The following RICTOR variants were observed in gnomAD, a reference collection of about 807,000 sequenced individuals.
RICTOR encodes the protein RPTOR independent companion of MTOR complex 2.
Under a neutral mutation model 214.9 loss-of-function variants are expected in RICTOR, and 49 were observed. The observed-to-expected ratio is 0.23, with a 90% confidence interval of 0.18 to 0.29. RICTOR has a LOEUF of 0.29. Ranked by LOEUF, RICTOR falls within the 10% of genes least tolerant of loss-of-function variation. The pLI is 1.00. For missense variants in RICTOR, 1,625 were observed against 2,047.0 expected, an observed-to-expected ratio of 0.79 and a Z score of 3.98; for synonymous variants, 717 against 711.3, an observed-to-expected ratio of 1.01 and a Z score of -0.13.
At chr5:38,979,846 G>A (rs34631480) in intron 8 of RICTOR, among the ~76,000 whole-genome samples, 180 of 152,286 alleles carry the variant, frequency 1.2e-3, no homozygotes, top group South Asian at 4.3e-3. Context: ...TTTCTCTTTG[G>A]ATCTTTGCTT....
chr5:38,948,175 C>T (rs1241434152), intron 31 of RICTOR, among the ~76,000 whole-genome samples: 1 of 152,090 alleles, frequency 6.6e-6, no homozygotes, highest in African/African-American at 2.4e-5. Flanking sequence ...ATATACAAGG[C>T]ACTATGCAAG....
intron 8 of RICTOR, among the ~76,000 whole-genome samples, chr5:38,979,650 G>A (rs1751544938): frequency 6.6e-6 from 1 of 152,156 alleles, no homozygotes; most frequent in Non-Finnish European, 1.5e-5. Flanking sequence ...TTCAGTCCAA[G>A]TGCTAGCCAA....
At chr5:39,054,193 C>A (rs1187849366) in intron 2 of RICTOR, among the ~76,000 whole-genome samples, 1 of 151,490 alleles carries the variant, frequency 6.6e-6, no homozygotes, top group East Asian at 1.9e-4. Context: ...AAAAAAAATA[C>A]AAAGAACATA....
At chr5:38,961,091 A>T (rs1749756028) in intron 19 of RICTOR, among the ~76,000 whole-genome samples, 1 of 151,980 alleles carries the variant, frequency 6.6e-6, no homozygotes, top group African/African-American at 2.4e-5. Context: ...ATGGACTAAT[A>T]CAGTACATTT....
At chr5:39,004,248 T>C (rs957954792) in intron 3 of RICTOR, among the ~76,000 whole-genome samples, 1 of 152,124 alleles carries the variant, frequency 6.6e-6, no homozygotes, top group Non-Finnish European at 1.5e-5. Flanking sequence ...TTAGACCAGG[T>C]TGCTGGTAAT....
intron 11 of RICTOR, chr5:38,970,763 C>T (rs1750711878): frequency 6.6e-6 from 1 of 152,240 alleles, no homozygotes; most frequent in South Asian, 2.1e-4. Flanking sequence ...CAAATTCTTA[C>T]AAATAATTTA....
chr5:38,963,173 A>C, intron 16 of RICTOR, 132 bp from the exon 17 acceptor site: 1 of 595,786 alleles, frequency 1.7e-6, no homozygotes, highest in East Asian at 2.8e-5. Flanking sequence ...TTATTTCATC[A>C]AATTTGGAGA....
intron 2 of RICTOR, among the ~76,000 whole-genome samples, chr5:39,044,508 A>C (rs1022890200): frequency 1.3e-5 from 2 of 152,126 alleles, no homozygotes; most frequent in African/African-American, 4.8e-5. Flanking sequence ...GACATACACA[A>C]AAGAGGGAAT....
chr5:38,962,138 T>TA (rs982631504), intron 19 of RICTOR, among the ~76,000 whole-genome samples, 177 bp downstream of exon 19: 36 of 139,052 alleles, frequency 2.6e-4, no homozygotes, highest in African/African-American at 8.8e-4. Context: ...AAGAATTTGC[T>TA]AATATGTTTT....
At chr5:39,047,527 T>C (rs888552069) in intron 2 of RICTOR, among the ~76,000 whole-genome samples, 1 of 152,216 alleles carries the variant, frequency 6.6e-6, no homozygotes, top group Non-Finnish European at 1.5e-5. Context: ...CTTTAGTTCA[T>C]GTATTTTACT....
intron 20 of RICTOR, 31 bp downstream of exon 20, chr5:38,960,367 A>G (rs769613517): frequency 6.2e-7 from 1 of 1,602,098 alleles, no homozygotes; most frequent in African/African-American, 1.3e-5. Flanking sequence ...AATAAAAAAC[A>G]TTTGCTCTGG....
chr5:39,066,186 C>T (rs1002253693), intron 2 of RICTOR, among the ~76,000 whole-genome samples: 1 of 152,246 alleles, frequency 6.6e-6, no homozygotes, highest in African/African-American at 2.4e-5. Flanking sequence ...GCACTCTGGG[C>T]ACCTGCAGGC....
At chr5:38,943,019 C>T (rs546100824) in intron 36 of RICTOR, 48 bp from the exon 37 acceptor site, 3 of 1,400,908 alleles carry the variant, frequency 2.1e-6, no homozygotes, top group African/African-American at 2.8e-5. Context: ...CATGATGTAT[C>T]TATTTTTCCT....
At chr5:38,967,791 G>C (rs1750359630) in intron 12 of RICTOR, 152 bp downstream of exon 12, 2 of 547,186 alleles carry the variant, frequency 3.7e-6, no homozygotes, top group Admixed American at 6.4e-5. Flanking sequence ...TTAGGAACTT[G>C]AGGTTTTATT....
Position 38,939,221 on chromosome 5 carries a change from C to G in RICTOR, c.*3083G>C, listed in dbSNP as rs187837263. The G allele has an allele frequency of 4.8e-4, 112 of 232,856 alleles. No individual in the cohort carries two copies. Among genetic ancestry groups the G allele is most frequent in the African/African-American group, 2.3e-3 (103 of 45,372 alleles). 14.4% of individuals were successfully genotyped at this position (232,856 alleles called of 1,614,324 possible). On this transcript the variant is annotated 3_prime_UTR_variant, in exon 38 of 38. Transcript: ENST00000357387. ...GAAAATGTAAATAAGCATTGATATC[C>G]CACTGCTGAACACTTGGCCGTTGTG...
chr5:38,951,677 C>T (rs1748796945), intron 30 of RICTOR, among the ~76,000 whole-genome samples: 1 of 151,890 alleles, frequency 6.6e-6, no homozygotes, highest in African/African-American at 2.4e-5. Context: ...AAATTTTGTA[C>T]ACCTAACACC....
intron 16 of RICTOR, among the ~76,000 whole-genome samples, chr5:38,964,202 T>A (rs984301634): frequency 6.6e-6 from 1 of 151,894 alleles, no homozygotes; most frequent in Admixed American, 6.6e-5. Context: ...ACTAAGTTCC[T>A]TCTAGCACTT....
Position 38,971,913 on chromosome 5 carries a change from T to C in RICTOR, c.936A>G (p.Leu312=), listed in dbSNP as rs781381797. 1 of 1,477,176 alleles carries C rather than the reference T, an allele frequency of 6.8e-7. No homozygotes were observed. Among genetic ancestry groups the C allele is most frequent in the South Asian group, 1.1e-5 (1 of 87,012 alleles). 91.5% of individuals were successfully genotyped at this position (1,477,176 alleles called of 1,614,324 possible). The change falls in exon 11 of 38, where the codon CTA becomes CTG. Residue 312 remains leucine (L), a synonymous_variant. Coordinates refer to ENST00000357387, the MANE Select transcript of RICTOR (RefSeq NM_152756.5). The stretch of plus-strand genomic sequence containing the variant: ...TATTTGGTATGCAAAGTACTCCTAT[T>C]AGAGACTGGATCCCAGAATTTCCAG... ...CKPGNSGIQS[L]IGVLCIPNME... is the part of the protein sequence containing the mutation.
Position 38,981,933 on chromosome 5 carries a change from A to G in RICTOR, c.687T>C (p.Thr229=). ...QLSRINEALI[T]TILHLLNHPK... is the part of the protein sequence containing the mutation. ...GATGATTAAGAAGGTGCAAAATTGT[A>G]GTAATTAGGGCCTCATTTATTCGAC... is the stretch of plus-strand genomic sequence containing the variant. Residue 229 remains threonine, a synonymous_variant, in exon 8 of 38, where the codon ACT becomes ACC. Coordinates refer to ENST00000357387, the MANE Select transcript of RICTOR (RefSeq NM_152756.5). 2 of 1,613,034 alleles carry G rather than the reference A, an allele frequency of 1.2e-6. No homozygotes were observed. Among genetic ancestry groups the G allele is most frequent in the South Asian group, 2.2e-5 (2 of 91,050 alleles).
Sources: gnomAD v4.1 joint callset for allele counts (sites outside exome capture counted in the v4.1 genomes callset) on GRCh38, gnomAD v4.1.1 for gene constraint, MANE v1.5 for transcripts, NCBI Gene and HGNC (gene_info 2026-07-23, HGNC 2026-07-21) for gene names.